Variants in DLGAP2 observed in about 807,000 individuals in gnomAD.
DLGAP2 encodes DLG associated protein 2, also known as disks large-associated protein 2.
Under a neutral mutation model 100.3 loss-of-function variants are expected in DLGAP2, and 26 were observed. That is an observed-to-expected ratio of 0.26 (90% CI 0.19 to 0.36). The LOEUF (loss-of-function observed/expected upper bound fraction) is 0.36. Ranked by LOEUF, DLGAP2 falls within the 10% of genes least tolerant of loss-of-function variation. The pLI, the probability that DLGAP2 is intolerant of heterozygous loss-of-function variation, is 1.00. For synonymous variants in DLGAP2, 886 were observed against 630.1 expected (o/e 1.41, Z -6.08); for missense variants, 1,858 against 1,453.2 (o/e 1.28, Z -4.53).
intron 2 of DLGAP2, among the ~76,000 whole-genome samples, chr8:952,141 C>G (rs1372659657): frequency 2.6e-5 from 4 of 152,180 alleles, no homozygotes; most frequent in Admixed American, 6.5e-5. Context: ...CTCATGGAGC[C>G]TGCATTGATG....
At chr8:1,464,011 C>T (rs186622576) in intron 3 of DLGAP2, among the ~76,000 whole-genome samples, 1 of 152,298 alleles carries the variant, frequency 6.6e-6, no homozygotes, top group East Asian at 1.9e-4. Flanking sequence ...AGAAAAAGAC[C>T]AAAGTATCAT....
chr8:801,772 G>C (rs907532604), intron 1 of DLGAP2, among the ~76,000 whole-genome samples: 31 of 152,158 alleles, frequency 2.0e-4, no homozygotes, highest in Admixed American at 1.4e-3. Flanking sequence ...ACAATAGGCT[G>C]TTTCTCTCCT....
intron 3 of DLGAP2, among the ~76,000 whole-genome samples, chr8:1,366,132 A>G (rs1802103205): frequency 6.6e-6 from 1 of 152,256 alleles, no homozygotes; most frequent in Admixed American, 6.5e-5. Context: ...AGTTTTTACA[A>G]GTTGAAAAGT....
chr8:1,638,066 G>A (rs1037409415), intron 8 of DLGAP2, among the ~76,000 whole-genome samples: 4 of 152,202 alleles, frequency 2.6e-5, no homozygotes, highest in African/African-American at 7.2e-5. Context: ...AAGGCAGGAC[G>A]GATGGGGGAC....
At chr8:762,708 AG>A (rs1168762931) in intron 1 of DLGAP2, among the ~76,000 whole-genome samples, 1 of 152,062 alleles carries the variant, frequency 6.6e-6, no homozygotes, top group African/African-American at 2.4e-5. Context: ...GTCTCACTCT[AG>A]CCCAGGCTGG....
intron 3 of DLGAP2, among the ~76,000 whole-genome samples, chr8:1,291,344 A>C (rs1434622851): frequency 6.6e-6 from 1 of 152,208 alleles, no homozygotes; most frequent in Non-Finnish European, 1.5e-5. Flanking sequence ...AATGGAAACC[A>C]GAAGCAAGCA....
chr8:1,023,855 A>ATGTGTG (rs1192338772), intron 2 of DLGAP2, among the ~76,000 whole-genome samples: 17 of 59,384 alleles, frequency 2.9e-4, no homozygotes, highest in South Asian at 2.3e-3. Flanking sequence ...CAAACTTTAT[A>ATGTGTG]TATGTGTGTG....
chr8:1,552,511 G>A (rs1052405780), intron 5 of DLGAP2, among the ~76,000 whole-genome samples: 3 of 152,148 alleles, frequency 2.0e-5, no homozygotes, highest in Admixed American at 1.3e-4. Context: ...CTGGATTGAC[G>A]TCTGGCATTT....
At chr8:1,149,454 A>T (rs138882780) in intron 2 of DLGAP2, among the ~76,000 whole-genome samples, 60 of 152,146 alleles carry the variant, frequency 3.9e-4, no homozygotes, top group African/African-American at 1.3e-3. Context: ...GCCTGAAATT[A>T]CCCTCTTTAT....
At chr8:918,840 C>A (rs181772951) in intron 2 of DLGAP2, among the ~76,000 whole-genome samples, 53 of 152,336 alleles carry the variant, frequency 3.5e-4, no homozygotes, top group Non-Finnish European at 5.9e-4. Flanking sequence ...TTGGAGACAT[C>A]AAAGCATATT....
At chr8:1,364,243 C>T (rs1802054686) in intron 3 of DLGAP2, among the ~76,000 whole-genome samples, 1 of 152,292 alleles carries the variant, frequency 6.6e-6, no homozygotes, top group East Asian at 1.9e-4. Context: ...GTGGGTTTTG[C>T]CTCAGGTGGC....
At chr8:1,241,503 G>A (rs1288619582) in intron 2 of DLGAP2, among the ~76,000 whole-genome samples, 1 of 152,230 alleles carries the variant, frequency 6.6e-6, no homozygotes, top group Non-Finnish European at 1.5e-5. Flanking sequence ...ACTCTCGGAG[G>A]CCTATACGGG....
intron 2 of DLGAP2, among the ~76,000 whole-genome samples, chr8:1,151,217 G>A (rs1007203612): frequency 6.6e-6 from 1 of 152,098 alleles, no homozygotes; most frequent in Admixed American, 6.6e-5. Flanking sequence ...TTTTTCAGCT[G>A]GAGTCTGCCA....
intron 2 of DLGAP2, among the ~76,000 whole-genome samples, chr8:1,232,453 G>A (rs768950364): frequency 6.2e-4 from 94 of 152,342 alleles, no homozygotes; most frequent in Admixed American, 2.3e-3. Context: ...AGGGTCAGGT[G>A]CAGGCTGTGA....
chr8:1,210,725 A>T lies in DLGAP2; in HGVS notation c.74-48126A>T, dbSNP rs554773311. 2.0e-4 allele frequency among the ~76,000 whole-genome samples: 28 copies of T among 136,870 alleles called. 1 individual carries two copies. The highest frequency in any genetic ancestry group is 3.6e-3 in the Middle Eastern group (1 of 274). 89.8% of individuals were successfully genotyped at this position (136,870 alleles called of 152,430 possible). A position where few individuals can be genotyped will look rare whatever the true frequency, so the allele number is the denominator to read the frequency against. On this transcript the variant is annotated intron_variant, in intron 2 of 14. Coordinates refer to ENST00000637795, the MANE Select transcript of DLGAP2 (RefSeq NM_001346810.2). ...GGGAAACTGGCATAACTGACCCCCC[A>T]CCCCCGGCCCTGGTTCCAATGGCAG... is the stretch of plus-strand genomic sequence containing the variant.
intron 3 of DLGAP2, among the ~76,000 whole-genome samples, chr8:1,382,165 G>C (rs1338241541): frequency 6.6e-6 from 1 of 152,180 alleles, no homozygotes; most frequent in Non-Finnish European, 1.5e-5. Context: ...CATTGTGTTT[G>C]TTACATGTAT....
intron 2 of DLGAP2, among the ~76,000 whole-genome samples, chr8:1,234,323 C>G (rs1309608433): frequency 1.3e-5 from 2 of 152,174 alleles, no homozygotes; most frequent in Non-Finnish European, 2.9e-5. Flanking sequence ...CTGCTTTCTT[C>G]TGAGCCTGTG....
chr8:1,490,278 G>C (rs889282632), intron 3 of DLGAP2, among the ~76,000 whole-genome samples: 1 of 152,186 alleles, frequency 6.6e-6, no homozygotes, highest in Non-Finnish European at 1.5e-5. Context: ...GCAATAATTA[G>C]AGCTGTGATT....
chr8:916,666 T>A (rs1483122998), intron 2 of DLGAP2, among the ~76,000 whole-genome samples: 1 of 151,990 alleles, frequency 6.6e-6, no homozygotes, highest in Non-Finnish European at 1.5e-5. Context: ...TAAAAAAAAT[T>A]AAAGAAAATA....
Sources: allele counts gnomAD v4.1 joint callset (sites outside exome capture counted in the v4.1 genomes callset), GRCh38; gene constraint gnomAD v4.1.1; transcripts MANE v1.5; gene names NCBI Gene and HGNC (gene_info 2026-07-23, HGNC 2026-07-21).